S100Z: variants seen among roughly 807,000 people sequenced by gnomAD.
S100Z encodes the protein protein S100-Z.
In S100Z, 11 loss-of-function variants were observed where a neutral mutation model predicts 8.5. That is an observed-to-expected ratio of 1.30 (90% CI 0.82 to 2.15). The LOEUF is 2.15. Among genes scored for constraint, S100Z ranks in the 30% most tolerant of loss-of-function variants. S100Z has a pLI of 0.00. For synonymous variants in S100Z, 34 were observed against 43.8 expected (o/e 0.78, Z 0.89); for missense variants, 126 against 117.9 (o/e 1.07, Z -0.32).
chr5:76,914,710 C>T (rs958092328), intron 4 of S100Z, among the ~76,000 whole-genome samples: 2 of 152,118 alleles, frequency 1.3e-5, no homozygotes, highest in Non-Finnish European at 1.5e-5. Flanking sequence ...AGCTGTAACA[C>T]TCACCGCGAA....
At chr5:76,910,932 C>T (rs1215597031) in intron 4 of S100Z, among the ~76,000 whole-genome samples, 1 of 152,204 alleles carries the variant, frequency 6.6e-6, no homozygotes, top group Non-Finnish European at 1.5e-5. Context: ...TTTTCACATG[C>T]CTTTCTTGTT....
the S100Z span, among the ~76,000 whole-genome samples, chr5:76,940,182 A>T: frequency 6.6e-6 from 1 of 150,822 alleles, no homozygotes; most frequent in South Asian, 2.1e-4. Context: ...AATCAAATTT[A>T]CCTAAAACCA....
intron 1 of S100Z, among the ~76,000 whole-genome samples, chr5:76,859,910 T>A (rs1297759307): frequency 6.6e-6 from 1 of 152,142 alleles, no homozygotes; most frequent in African/African-American, 2.4e-5. Context: ...TAAATTGGGT[T>A]TGTAACCTAA....
chr5:76,874,978 G>A (rs1173314756), intron 2 of S100Z, among the ~76,000 whole-genome samples: 2 of 151,930 alleles, frequency 1.3e-5, no homozygotes, highest in East Asian at 3.9e-4. Flanking sequence ...TCCGCCTCCC[G>A]GGTTCACGCC....
At chr5:76,914,817 C>T (rs568362139) in intron 4 of S100Z, among the ~76,000 whole-genome samples, 2 of 152,292 alleles carry the variant, frequency 1.3e-5, no homozygotes, top group South Asian at 4.1e-4. Flanking sequence ...GTAACCCTCA[C>T]AGTGAAGGTC....
intron 4 of S100Z, among the ~76,000 whole-genome samples, chr5:76,907,019 T>TATAC (rs1561247616): frequency 3.3e-4 from 25 of 76,254 alleles, no homozygotes; most frequent in African/African-American, 2.1e-3. Flanking sequence ...TATATATATA[T>TATAC]ATATACATAT....
At chr5:76,934,098 G>T in the S100Z span, among the ~76,000 whole-genome samples, 1 of 152,178 alleles carries the variant, frequency 6.6e-6, no homozygotes, top group Non-Finnish European at 1.5e-5. Context: ...GACCACAGAA[G>T]AATTAGTGAC....
Position 76,908,620 on chromosome 5 carries a change from C to A in S100Z, c.*3-12097C>A, listed in dbSNP as rs1466376755. 2.6e-5 allele frequency among the ~76,000 whole-genome samples: 4 copies of A among 152,318 alleles called. No individual in the cohort carries two copies. In the South Asian group the frequency reaches 8.3e-4, roughly 32 times the overall value. The stretch of plus-strand genomic sequence containing the variant: ...GTGGGACTATCTGGAATTTTCAGAT[C>A]CCTCCTCAGACAAGCAGGCCTAACA... On this transcript the variant is annotated intron_variant, in intron 4 of 4. Transcript: ENST00000317593.
chr5:76,884,726 G>T (rs1743538245), intron 4 of S100Z, among the ~76,000 whole-genome samples: 1 of 152,178 alleles, frequency 6.6e-6, no homozygotes, highest in African/African-American at 2.4e-5. Flanking sequence ...CAGACTGGGT[G>T]TGAGGAGGGG....
intron 1 of S100Z, among the ~76,000 whole-genome samples, chr5:76,851,286 C>T (rs183189554): frequency 9.7e-4 from 147 of 152,274 alleles, no homozygotes; most frequent in African/African-American, 3.3e-3. Flanking sequence ...TAGATTTAGC[C>T]AGGGGATGGC....
chr5:76,946,293 T>A, the S100Z span, among the ~76,000 whole-genome samples: 22 of 152,204 alleles, frequency 1.4e-4, no homozygotes, highest in Non-Finnish European at 2.9e-4. Flanking sequence ...TAATAGATGA[T>A]GTCATTCAAC....
chr5:76,878,580 G>T (rs529169680), intron 4 of S100Z, among the ~76,000 whole-genome samples: 1 of 152,114 alleles, frequency 6.6e-6, no homozygotes, highest in South Asian at 2.1e-4. Flanking sequence ...ACTTCTACAC[G>T]AACCCTGGCC....
chr5:76,932,022 T>C, the S100Z span, among the ~76,000 whole-genome samples: 1 of 152,136 alleles, frequency 6.6e-6, no homozygotes, highest in African/African-American at 2.4e-5. Flanking sequence ...TTTATATATA[T>C]AATTTATAAC....
intron 4 of S100Z, among the ~76,000 whole-genome samples, chr5:76,890,980 G>A (rs776669866): frequency 6.6e-6 from 1 of 152,128 alleles, no homozygotes; most frequent in Non-Finnish European, 1.5e-5. Context: ...TCCTGCTTCA[G>A]CCTCTTGAGT....
chr5:76,900,291 T>C (rs1264442024), intron 4 of S100Z, among the ~76,000 whole-genome samples: 1 of 152,236 alleles, frequency 6.6e-6, no homozygotes, highest in Non-Finnish European at 1.5e-5. Flanking sequence ...GTTTGGGAAG[T>C]CCTCTGTTAT....
At chr5:76,914,866 A>C (rs185798367) in intron 4 of S100Z, among the ~76,000 whole-genome samples, 5 of 152,216 alleles carry the variant, frequency 3.3e-5, no homozygotes, top group African/African-American at 1.2e-4. Context: ...CCACGAACCC[A>C]CCAGAAGGAA....
At chr5:76,872,973 CA>C (rs1432048401) in intron 2 of S100Z, among the ~76,000 whole-genome samples, 1 of 151,860 alleles carries the variant, frequency 6.6e-6, no homozygotes. Flanking sequence ...GACCTTGCCT[CA>C]AAAATAATAA....
chr5:76,951,378 C>T, the S100Z span, among the ~76,000 whole-genome samples: 5 of 152,174 alleles, frequency 3.3e-5, no homozygotes, highest in Admixed American at 3.3e-4. Context: ...AAGAATGTCT[C>T]CTTGGTGATG....
chr5:76,860,459 C>T (rs957242938), intron 1 of S100Z, among the ~76,000 whole-genome samples: 3 of 152,072 alleles, frequency 2.0e-5, no homozygotes, highest in Admixed American at 2.0e-4. Flanking sequence ...ATGGCCCGAC[C>T]CTCTCAGCTG....
Sources: gnomAD v4.1 joint callset for allele counts (sites outside exome capture counted in the v4.1 genomes callset) on GRCh38, gnomAD v4.1.1 for gene constraint, MANE v1.5 for transcripts, NCBI Gene and HGNC (gene_info 2026-07-23, HGNC 2026-07-21) for gene names.